Variants in DOK6 observed in about 807,000 individuals in gnomAD.
The protein encoded by DOK6 is docking protein 6.
DOK6 carries 22 observed loss-of-function variants against 44.0 expected under a neutral mutation model. That is an observed-to-expected ratio of 0.50 (90% CI 0.36 to 0.71). DOK6 has a LOEUF of 0.71. Ranked by LOEUF, DOK6 falls within the 30% of genes least tolerant of loss-of-function variation. The pLI is 0.00. For synonymous variants in DOK6, 166 were observed against 145.5 expected (o/e 1.14, Z -1.01); for missense variants, 340 against 416.4 (o/e 0.82, Z 1.60).
intron 3 of DOK6, among the ~76,000 whole-genome samples, chr18:69,659,443 T>G (rs1985452760): frequency 1.3e-5 from 2 of 152,340 alleles, no homozygotes; most frequent in Admixed American, 6.5e-5. Flanking sequence ...GGTTATGTGT[T>G]TCTGCACAAT....
intron 5 of DOK6, among the ~76,000 whole-genome samples, chr18:69,703,823 C>G (rs1986574016): frequency 6.6e-6 from 1 of 152,186 alleles, no homozygotes; most frequent in African/African-American, 2.4e-5. Context: ...CTTCTTATAT[C>G]TTTATGACAA....
intron 3 of DOK6, among the ~76,000 whole-genome samples, chr18:69,673,457 G>A (rs770822027): frequency 1.3e-5 from 2 of 152,148 alleles, no homozygotes; most frequent in African/African-American, 2.4e-5. Flanking sequence ...TCAGTCCCAT[G>A]TCACTGTATT....
chr18:69,685,734 G>T (rs1214425194), intron 4 of DOK6, among the ~76,000 whole-genome samples: 1 of 152,112 alleles, frequency 6.6e-6, no homozygotes, highest in African/African-American at 2.4e-5. Flanking sequence ...ATTGATTTTA[G>T]GAATTTGCCC....
rs1979949330 is a variant in DOK6, at chr18:69,467,064, C to A, written c.66+65754C>A. Among the ~76,000 whole-genome samples the A allele has an allele frequency of 6.6e-5, 10 of 152,076 alleles. 1 individual carries two copies. The South Asian group carries it at 2.1e-3, about 32-fold the overall frequency. On this transcript the variant is annotated intron_variant, in intron 1 of 7. Coordinates refer to ENST00000382713, the MANE Select transcript of DOK6 (RefSeq NM_152721.6). ...AAGAGATCAGAATGACGCATTTTAA[C>A]CTTAGTAAAATTTTTGTAAGGATCA...
intron 6 of DOK6, among the ~76,000 whole-genome samples, chr18:69,753,999 T>C (rs1290162210): frequency 6.6e-6 from 1 of 152,146 alleles, no homozygotes; most frequent in Admixed American, 6.5e-5. Context: ...ATAAGTTGCC[T>C]TATATATTTT....
chr18:69,442,223 T>C (rs563806126), intron 1 of DOK6, among the ~76,000 whole-genome samples: 1 of 152,198 alleles, frequency 6.6e-6, no homozygotes, highest in Non-Finnish European at 1.5e-5. Flanking sequence ...TATTTTATGT[T>C]CTTTTTATTT....
intron 3 of DOK6, among the ~76,000 whole-genome samples, chr18:69,611,667 C>T (rs532925429): frequency 1.3e-5 from 2 of 152,262 alleles, no homozygotes; most frequent in Non-Finnish European, 2.9e-5. Flanking sequence ...TCAATATATG[C>T]AGCAGCCTGG....
chr18:69,609,464 C>T (rs4306627), intron 3 of DOK6, among the ~76,000 whole-genome samples: 142,765 of 151,726 alleles, frequency 0.94, 67,774 homozygotes, highest in East Asian at 1. Flanking sequence ...GTAAATCAAA[C>T]CTGCCAGGAT....
chr18:69,518,550 T>C (rs541531547), intron 1 of DOK6, among the ~76,000 whole-genome samples: 3 of 151,716 alleles, frequency 2.0e-5, no homozygotes, highest in Non-Finnish European at 4.4e-5. Flanking sequence ...AAGACATCAG[T>C]AGGTTATCAC....
In DOK6 at chr18:69,749,362, C is replaced by T. The variant is rs577661288; in HGVS notation, c.739-8394C>T. Among the ~76,000 whole-genome samples the T allele has an allele frequency of 4.7e-4, 71 of 152,062 alleles. 1 individual carries two copies. Among genetic ancestry groups the T allele is most frequent in the African/African-American group, 1.4e-3 (57 of 41,484 alleles). Reference sequence around the variant, plus strand: ...CAGTTTCTGAGTGCCAGCTTTTAAACGAATTTGCAGCCATCTTCAATCTTT... The same window carrying T: ...CAGTTTCTGAGTGCCAGCTTTTAAATGAATTTGCAGCCATCTTCAATCTTT... On this transcript the variant is annotated intron_variant, in intron 6 of 7. Transcript: ENST00000382713.
chr18:69,606,273 AAAAT>A (rs139420505), intron 3 of DOK6, among the ~76,000 whole-genome samples: 19,837 of 142,016 alleles, frequency 0.14, 2,020 homozygotes, highest in African/African-American at 0.27. Flanking sequence ...ACTCCATCTC[AAAAT>A]AAATAAATAA....
chr18:69,585,255 A>G (rs1468745113), intron 2 of DOK6, among the ~76,000 whole-genome samples: 1 of 151,676 alleles, frequency 6.6e-6, no homozygotes, highest in African/African-American at 2.4e-5. Context: ...CTTTTAACTC[A>G]TGTTTTTTAG....
chr18:69,425,202 C>A (rs1052285752), intron 1 of DOK6, among the ~76,000 whole-genome samples: 1 of 152,038 alleles, frequency 6.6e-6, no homozygotes, highest in African/African-American at 2.4e-5. Context: ...TGCATTGTAT[C>A]ATTATGTAAA....
At chr18:69,740,733 G>C (rs1466214614) in intron 6 of DOK6, among the ~76,000 whole-genome samples, 1 of 152,172 alleles carries the variant, frequency 6.6e-6, no homozygotes, top group African/African-American at 2.4e-5. Context: ...GTTGTTATGA[G>C]GTTTCTGCGC....
chr18:69,555,209 A>G (rs912791953), intron 1 of DOK6, among the ~76,000 whole-genome samples: 3 of 152,130 alleles, frequency 2.0e-5, no homozygotes, highest in Non-Finnish European at 4.4e-5. Context: ...AACATGCTAT[A>G]TTTTCTTCAA....
At chr18:69,706,053 G>A (rs559796185) in intron 5 of DOK6, among the ~76,000 whole-genome samples, 97 of 152,292 alleles carry the variant, frequency 6.4e-4, no homozygotes, top group Non-Finnish European at 1.1e-3. Context: ...GGTCTCAAGC[G>A]AGAGAACTTG....
chr18:69,593,868 C>T (rs1983678350), intron 2 of DOK6, among the ~76,000 whole-genome samples: 1 of 152,076 alleles, frequency 6.6e-6, no homozygotes, highest in African/African-American at 2.4e-5. Context: ...AACAGTATAT[C>T]ATTCTTGTGT....
chr18:69,495,388 G>T (rs1397515431), intron 1 of DOK6, among the ~76,000 whole-genome samples: 1 of 152,220 alleles, frequency 6.6e-6, no homozygotes, highest in African/African-American at 2.4e-5. Context: ...GAAGAATGAG[G>T]TATGCAGATA....
intron 2 of DOK6, among the ~76,000 whole-genome samples, chr18:69,587,861 C>T (rs2144614726): frequency 6.6e-6 from 1 of 151,716 alleles, no homozygotes; most frequent in South Asian, 2.1e-4. Flanking sequence ...TCTGTATTTC[C>T]CAGACTTGAA....
Sources: gnomAD v4.1 joint callset for allele counts (sites outside exome capture counted in the v4.1 genomes callset) on GRCh38, gnomAD v4.1.1 for gene constraint, MANE v1.5 for transcripts, NCBI Gene and HGNC (gene_info 2026-07-23, HGNC 2026-07-21) for gene names.